CFAP299: variants seen among roughly 807,000 people sequenced by gnomAD.
CFAP299 encodes cilia- and flagella-associated protein 299.
Under a neutral mutation model 27.0 loss-of-function variants are expected in CFAP299, and 21 were observed. The observed-to-expected ratio is 0.78, with a 90% CI of 0.55 to 1.12. The LOEUF is 1.12. CFAP299 is among the 50% of genes most tolerant of loss of function. CFAP299 has a pLI of 0.00. For synonymous variants in CFAP299, 104 were observed against 98.1 expected (o/e 1.06, Z -0.36); for missense variants, 310 against 276.6 (o/e 1.12, Z -0.86).
At chr4:80,391,917 G>T (rs1404391273) in intron 2 of CFAP299, among the ~76,000 whole-genome samples, 1 of 152,184 alleles carries the variant, frequency 6.6e-6, no homozygotes, top group Admixed American at 6.5e-5. Flanking sequence ...CGGTGGAGCT[G>T]CCCAAGTCCA....
At chr4:80,563,480 G>C (rs775377512) in intron 2 of CFAP299, among the ~76,000 whole-genome samples, 15 of 151,972 alleles carry the variant, frequency 9.9e-5, no homozygotes, top group Non-Finnish European at 2.1e-4. Context: ...GAAGGGAATT[G>C]AAAAATTTCT....
chr4:80,813,498 G>A (rs1415807965), intron 3 of CFAP299, among the ~76,000 whole-genome samples: 1 of 151,918 alleles, frequency 6.6e-6, no homozygotes, highest in Non-Finnish European at 1.5e-5. Flanking sequence ...TTTACAGAAA[G>A]GACATCCTTT....
chr4:80,727,514 TA>T (rs1723229603), intron 3 of CFAP299, among the ~76,000 whole-genome samples: 1 of 152,100 alleles, frequency 6.6e-6, no homozygotes, highest in South Asian at 2.1e-4. Context: ...TGAGCCAGAC[TA>T]GCTGAATTCA....
intron 4 of CFAP299, among the ~76,000 whole-genome samples, chr4:80,933,355 T>G (rs1736726592): frequency 1.3e-5 from 2 of 152,118 alleles, no homozygotes; most frequent in Non-Finnish European, 2.9e-5. Context: ...ATCTATGAGT[T>G]TGGCTATTTT....
chr4:80,618,677 T>C (rs976441484), intron 3 of CFAP299, among the ~76,000 whole-genome samples: 1 of 152,098 alleles, frequency 6.6e-6, no homozygotes, highest in African/African-American at 2.4e-5. Context: ...TCTTGCAGCC[T>C]AATTAGCCAC....
intron 3 of CFAP299, among the ~76,000 whole-genome samples, chr4:80,826,626 C>G (rs950049799): frequency 4.6e-5 from 7 of 151,466 alleles, no homozygotes; most frequent in African/African-American, 7.3e-5. Flanking sequence ...GTTCAATGCC[C>G]CACACTCAGT....
At chr4:80,428,704 T>G (rs566365118) in intron 2 of CFAP299, among the ~76,000 whole-genome samples, 845 of 20,964 alleles carry the variant, frequency 0.04, 8 homozygotes, top group South Asian at 0.29. Flanking sequence ...TTTTTTTTTT[T>G]TTTGTTTGTA....
At chr4:80,447,081 T>C (rs2110092247) in intron 2 of CFAP299, among the ~76,000 whole-genome samples, 1 of 151,884 alleles carries the variant, frequency 6.6e-6, no homozygotes, top group African/African-American at 2.4e-5. Context: ...TGATTAACAA[T>C]GGTAGTGTTT....
At chr4:80,907,378 T>C (rs1385731702) in intron 4 of CFAP299, among the ~76,000 whole-genome samples, 3 of 152,224 alleles carry the variant, frequency 2.0e-5, no homozygotes, top group Admixed American at 2.0e-4. Flanking sequence ...TGTCACATAG[T>C]TCCAAAGTCA....
chr4:80,675,538 A>T (rs1323630336), intron 3 of CFAP299, among the ~76,000 whole-genome samples: 1 of 152,180 alleles, frequency 6.6e-6, no homozygotes, highest in Non-Finnish European at 1.5e-5. Flanking sequence ...CAGAGCTCAA[A>T]TGCTGTGGTG....
chr4:80,949,675 A>C (rs912542007), intron 5 of CFAP299, among the ~76,000 whole-genome samples: 1 of 152,138 alleles, frequency 6.6e-6, no homozygotes, highest in African/African-American at 2.4e-5. Context: ...ACCCAAGATA[A>C]GATTCACAAG....
intron 2 of CFAP299, among the ~76,000 whole-genome samples, chr4:80,522,093 TA>T (rs1171045804): frequency 2.0e-5 from 3 of 152,064 alleles, no homozygotes; most frequent in African/African-American, 7.2e-5. Flanking sequence ...CAAAAGTGCA[TA>T]AGGGTTCCAA....
chr4:80,360,697 T>C (rs576079137), intron 1 of CFAP299, among the ~76,000 whole-genome samples: 1 of 152,358 alleles, frequency 6.6e-6, no homozygotes, highest in South Asian at 2.1e-4. Flanking sequence ...TTCAAGTTTC[T>C]GAATCCTAGG....
intron 3 of CFAP299, among the ~76,000 whole-genome samples, chr4:80,625,194 G>T (rs1177819798): frequency 1.3e-5 from 2 of 152,184 alleles, no homozygotes; most frequent in East Asian, 3.9e-4. Flanking sequence ...TGAGGGATTT[G>T]CAATATTAAA....
rs935287717 is a variant in CFAP299 at position 80,858,326 on chromosome 4, C to T, written c.334-11667C>T. ...TTTCTTTATTAGTCTTGCTAGCGGT[C>T]TATCAATTTTGTTGATCCTTTCAAA... On this transcript the variant is annotated intron_variant, in intron 3 of 5. Coordinates refer to ENST00000358105, the MANE Select transcript of CFAP299 (RefSeq NM_152770.3). Among the ~76,000 whole-genome samples, 9 of 152,036 alleles carry T rather than the reference C, an allele frequency of 5.9e-5. No homozygotes were observed. In the South Asian group the frequency reaches 1.9e-3, roughly 32 times the overall value.
chr4:80,566,833 G>A (rs758581327), intron 2 of CFAP299, among the ~76,000 whole-genome samples: 2 of 151,932 alleles, frequency 1.3e-5, no homozygotes, highest in Non-Finnish European at 2.9e-5. Flanking sequence ...GAATGAAATC[G>A]AACACATTCA....
At chr4:80,323,297 G>A in the CFAP299 span, among the ~76,000 whole-genome samples, 1 of 152,148 alleles carries the variant, frequency 6.6e-6, no homozygotes, top group Non-Finnish European at 1.5e-5. Flanking sequence ...AGAAAACCTG[G>A]TCTTTGTTTT....
chr4:80,583,455 G>A (rs1488985575), intron 3 of CFAP299, among the ~76,000 whole-genome samples: 6 of 151,840 alleles, frequency 4.0e-5, no homozygotes, highest in Admixed American at 2.0e-4. Context: ...TTTAACCTGG[G>A]TAAACCCTCC....
chr4:80,475,716 A>G (rs1475271952), intron 2 of CFAP299, among the ~76,000 whole-genome samples: 2 of 152,234 alleles, frequency 1.3e-5, no homozygotes, highest in Non-Finnish European at 2.9e-5. Context: ...AGTCAGGGTT[A>G]GAGTTGTACG....
Sources: allele counts gnomAD v4.1 joint callset (sites outside exome capture counted in the v4.1 genomes callset), GRCh38; gene constraint gnomAD v4.1.1; transcripts MANE v1.5; gene names NCBI Gene and HGNC (gene_info 2026-07-23, HGNC 2026-07-21).